VPS13A: variants seen among roughly 807,000 people sequenced by gnomAD.
VPS13A encodes vacuolar protein sorting 13 homolog A, also known as intermembrane lipid transfer protein VPS13A.
In VPS13A, 264 loss-of-function variants were observed where a neutral mutation model predicts 390.9. The observed-to-expected ratio is 0.68, with a 90% CI of 0.61 to 0.75. The LOEUF (loss-of-function observed/expected upper bound fraction) is 0.75. VPS13A is among the 30% of genes least tolerant of loss of function. The pLI is 0.00. For synonymous variants in VPS13A, 1,231 were observed against 1,227.1 expected, an observed-to-expected ratio of 1.00 and a Z score of -0.07; for missense variants, 3,409 against 3,733.9, an observed-to-expected ratio of 0.91 and a Z score of 2.27.
chr9:77,330,310 C>T (rs1194070997), intron 45 of VPS13A, among the ~76,000 whole-genome samples: 2 of 152,284 alleles, frequency 1.3e-5, no homozygotes, highest in South Asian at 2.1e-4. Flanking sequence ...TGAGCCACTG[C>T]GCCCACCCAC....
intron 1 of VPS13A, among the ~76,000 whole-genome samples, chr9:77,190,111 T>G (rs779671013): frequency 6.6e-6 from 1 of 152,200 alleles, no homozygotes; most frequent in Non-Finnish European, 1.5e-5. Flanking sequence ...TCCTGATTGC[T>G]CTGGCTAAGA....
At chr9:77,209,339 A>G (rs757425143) in intron 5 of VPS13A, 84 bp from the exon 6 acceptor site, 4 of 942,084 alleles carry the variant, frequency 4.2e-6, no homozygotes, top group East Asian at 2.6e-5. Context: ...CAGCAAGGCA[A>G]CGTAAGCATG....
Position 77,323,205 on chromosome 9 carries a change from T to C in VPS13A, c.5969T>C (p.Val1990Ala), listed in dbSNP as rs1285407927. 1 of 1,613,320 alleles carries C rather than the reference T, an allele frequency of 6.2e-7. No homozygotes were observed. Among genetic ancestry groups the C allele is most frequent in the Non-Finnish European group, 8.5e-7 (1 of 1,179,484 alleles). ...GATACAGTAGAAGGAAGTAAGAAGG[T>C]CACAATTCGCTCCCCAGTGCAGGTA... Reference protein sequence around the residue: ...QIDTVEGSKKVTIRSPVQIRN... With the variant: ...QIDTVEGSKKATIRSPVQIRN... Residue 1990 changes from valine (V) to alanine (A), a missense_variant, in exon 45 of 72, where the codon GTC becomes GCC. Physicochemically the swap from Val to Ala is moderately conservative, Grantham distance 64 (BLOSUM62 0). This residue lies in a region of VPS13A where 2,717 missense variants were observed against 2,917.4 expected (regional missense o/e 0.93). Transcript: ENST00000360280.
intron 1 of VPS13A, among the ~76,000 whole-genome samples, chr9:77,184,596 G>T (rs1824219646): frequency 6.6e-6 from 1 of 152,226 alleles, no homozygotes; most frequent in Non-Finnish European, 1.5e-5. Flanking sequence ...TCCAGCCTAG[G>T]TGACAGAGCA....
In VPS13A at chr9:77,396,623, C is replaced by T. The variant is rs1834129729; in HGVS notation, c.9190-6613C>T. Among the ~76,000 whole-genome samples, 6 of 152,180 alleles carry T rather than the reference C, an allele frequency of 3.9e-5. No individual in the cohort carries two copies. The South Asian group carries it at 1.2e-3, about 32-fold the overall frequency. On this transcript the variant is annotated intron_variant, in intron 68 of 71. Coordinates refer to ENST00000360280, the MANE Select transcript of VPS13A (RefSeq NM_033305.3). ...GCTTGAATACCTTCTTTTTCCTGGC[C>T]ATGGCACTCGAGTCTGAGGTTTGAA...
At chr9:77,399,181 T>TA (rs1223344360) in intron 68 of VPS13A, among the ~76,000 whole-genome samples, 2,824 of 34,714 alleles carry the variant, frequency 0.081, 43 homozygotes, top group African/African-American at 0.12. Flanking sequence ...AAAAAAAAAA[T>TA]AAAAAAAAAA....
intron 56 of VPS13A, 147 bp from the exon 57 acceptor site, chr9:77,358,210 C>T (rs554727026): frequency 1.5e-4 from 105 of 690,238 alleles, no homozygotes; most frequent in South Asian, 1.3e-3. Context: ...CCCGCCTCGG[C>T]CTCCCAAAGT....
At chr9:77,302,368 C>CCT (rs570357439) in intron 33 of VPS13A, among the ~76,000 whole-genome samples, 5 of 117,816 alleles carry the variant, frequency 4.2e-5, no homozygotes, top group African/African-American at 1.7e-4. Context: ...TATTTTTCCC[C>CCT]TTTTTTTTTT....
chr9:77,381,374 CTG>C (rs1319040521), intron 67 of VPS13A, among the ~76,000 whole-genome samples: 1 of 151,962 alleles, frequency 6.6e-6, no homozygotes, highest in Non-Finnish European at 1.5e-5. Flanking sequence ...AATGTGAGGA[CTG>C]TGAGAGTATT....
chr9:77,223,091 C>G (rs1011301728), intron 13 of VPS13A, among the ~76,000 whole-genome samples: 1 of 152,168 alleles, frequency 6.6e-6, no homozygotes, highest in African/African-American at 2.4e-5. Flanking sequence ...CCTCTTCTGG[C>G]TCTGGAGGCT....
chr9:77,282,314 TTA>T, intron 29 of VPS13A, 40 bp downstream of exon 29: 1 of 1,557,422 alleles, frequency 6.4e-7, no homozygotes, highest in Non-Finnish European at 8.8e-7. Flanking sequence ...TTTTTTTTTT[TTA>T]ACCATGTAGG....
At chr9:77,347,780 C>T (rs1046011134) in intron 52 of VPS13A, among the ~76,000 whole-genome samples, 3 of 151,894 alleles carry the variant, frequency 2.0e-5, no homozygotes, top group African/African-American at 7.3e-5. Flanking sequence ...TTTTTTTACC[C>T]ATTTCTTTAA....
At position 77,357,700 on chromosome 9, in the gene VPS13A, A is replaced by G. The variant is rs1340061826; in HGVS notation, c.7815A>G (p.Leu2605=). Residue 2605 remains leucine, a synonymous_variant, in exon 56 of 72, where the codon CTA becomes CTG. Coordinates refer to ENST00000360280, the MANE Select transcript of VPS13A (RefSeq NM_033305.3). ...GGGGACATATTTTTCAGGTTCGCCT[A>G]ACCCCTACTGGTCATAACATGAAAA... ...IQLDTNVPVR[L]TPTGHNMKIL... 5.0e-6 allele frequency: 8 copies of G among 1,613,940 alleles called. No homozygotes were observed. The highest frequency in any genetic ancestry group is 6.8e-6 in the Non-Finnish European group (8 of 1,179,898).
chr9:77,226,595 G>C lies in VPS13A; in HGVS notation c.1354G>C (p.Glu452Gln), dbSNP rs777470379. 15 of 1,611,962 alleles carry C rather than the reference G, an allele frequency of 9.3e-6. No individual in the cohort carries two copies. Among genetic ancestry groups the C allele is most frequent in the Non-Finnish European group, 1.3e-5 (15 of 1,178,786 alleles). Residue 452 changes from glutamate to glutamine, a missense_variant, in exon 15 of 72, where the codon GAA (glutamate) becomes CAA (glutamine). Physicochemically the swap from Glu to Gln is conservative, Grantham distance 29. This residue lies in a region of VPS13A where 2,717 missense variants were observed against 2,917.4 expected (regional missense o/e 0.93). Coordinates refer to ENST00000360280, the MANE Select transcript of VPS13A (RefSeq NM_033305.3). ...TNEQQPDVQP[E>Q]TLEEMLTPEE... ...TGAACAGCAACCAGATGTTCAACCT[G>C]AAAGTATGTCCATTTCATTTTACAG...
intron 31 of VPS13A, 31 bp downstream of exon 31, chr9:77,283,681 A>G (rs1421020530): frequency 1.4e-6 from 2 of 1,475,016 alleles, no homozygotes; most frequent in Non-Finnish European, 9.3e-7. Flanking sequence ...ATAATAGTAC[A>G]TCATTAAATA....
chr9:77,325,920 T>C (rs559094291), intron 45 of VPS13A, among the ~76,000 whole-genome samples: 1 of 152,340 alleles, frequency 6.6e-6, no homozygotes, highest in South Asian at 2.1e-4. Flanking sequence ...GTATTTGATA[T>C]TTATTATCAC....
intron 15 of VPS13A, 100 bp from the exon 16 acceptor site, chr9:77,227,291 A>G: frequency 1.1e-6 from 1 of 894,150 alleles, no homozygotes; most frequent in Non-Finnish European, 1.8e-6. Context: ...AAGAGCGTTC[A>G]AGAAAGTAAA....
In VPS13A at chr9:77,179,814, T is replaced by C. The variant is rs534342667; in HGVS notation, c.100+2010T>C. On this transcript the variant is annotated intron_variant, in intron 1 of 71. Transcript: ENST00000360280. ...ATCACCACTCTCTCATTCCGGAATA[T>C]TTCAGCACCCCAAAATTAAATCGTA... 4.6e-5 allele frequency among the ~76,000 whole-genome samples: 7 copies of C among 152,026 alleles called. No individual in the cohort carries two copies. The East Asian group carries it at 1.4e-3, about 29-fold the overall frequency.
At chr9:77,398,535 C>G (rs1320373969) in intron 68 of VPS13A, among the ~76,000 whole-genome samples, 1 of 152,040 alleles carries the variant, frequency 6.6e-6, no homozygotes, top group Non-Finnish European at 1.5e-5. Flanking sequence ...GGTTTTTTCC[C>G]CCCAAAAATG....
Sources: allele counts gnomAD v4.1 joint callset (sites outside exome capture counted in the v4.1 genomes callset), GRCh38; gene constraint gnomAD v4.1.1; regional missense constraint gnomAD v4.1.1; transcripts MANE v1.5; gene names NCBI Gene and HGNC (gene_info 2026-07-23, HGNC 2026-07-21).